The following BRD1 variants were observed in gnomAD, a reference collection of about 807,000 sequenced individuals.
The protein encoded by BRD1 is bromodomain containing 1.
In BRD1, 24 loss-of-function variants were observed where a neutral mutation model predicts 107.7. The observed-to-expected ratio is 0.22, with a 90% CI of 0.16 to 0.31. The LOEUF is 0.31. BRD1 is among the 10% of genes least tolerant of loss of function. The pLI is 1.00. For missense variants in BRD1, 1,279 were observed against 1,638.6 expected, an observed-to-expected ratio of 0.78 and a Z score of 3.79; for synonymous variants, 744 against 686.1, an observed-to-expected ratio of 1.08 and a Z score of -1.32.
Position 49,775,788 on chromosome 22 carries a change from C to A in BRD1, c.3232-43G>T, listed in dbSNP as rs754012389. ...GCTGAGGTCATTGTGAGGCTCACAC[C>A]CATAAACAACCCCACCTGTCACTGG... is the stretch of plus-strand genomic sequence containing the variant. On this transcript the variant is annotated intron_variant, in intron 11 of 12. Coordinates refer to ENST00000404760, the MANE Select transcript of BRD1 (RefSeq NM_001304808.3). 11 of 1,579,172 alleles carry A rather than the reference C, an allele frequency of 7.0e-6. No homozygotes were observed. The South Asian group carries it at 1.3e-4, about 18-fold the overall frequency.
intron 12 of BRD1, 75 bp downstream of exon 12, chr22:49,775,516 G>T: frequency 1.6e-6 from 2 of 1,269,528 alleles, no homozygotes; most frequent in Admixed American, 3.0e-5. Context: ...CTCACCACAG[G>T]GACACTCAGG....
At chr22:49,821,891 T>A (rs185414719) in intron 2 of BRD1, among the ~76,000 whole-genome samples, 2 of 152,364 alleles carry the variant, frequency 1.3e-5, no homozygotes, top group Admixed American at 1.3e-4. Context: ...ACCCGCCCTG[T>A]TGACCGGCAG....
At chr22:49,804,013 C>G (rs1457697633) in intron 3 of BRD1, among the ~76,000 whole-genome samples, 191 bp downstream of exon 3, 2 of 151,888 alleles carry the variant, frequency 1.3e-5, no homozygotes, top group Admixed American at 6.5e-5. Context: ...AGAATCACCC[C>G]CCGAGTCGCA....
Position 49,824,815 on chromosome 22 carries a change from A to T in BRD1, c.-14-484T>A, listed in dbSNP as rs982949457. ...CTGGTCCTATCGGATGCTCCCCCTA[A>T]ACCACTCTTCCCCTCCCCACTACTC... On this transcript the variant is annotated intron_variant, in intron 1 of 12. Transcript: ENST00000404760. The surrounding 1 kb of genome is among the most constrained non-coding windows in gnomAD (Gnocchi z 5.9). 6.9e-5 allele frequency: 70 copies of T among 1,007,206 alleles called. 1 individual carries two copies. The African/African-American group carries it at 8.3e-4, about 12-fold the overall frequency. The allele number at this position is 1,007,206 out of a possible 1,614,324, so 62.4% of individuals were successfully genotyped here.
intron 3 of BRD1, 24 bp from the exon 4 acceptor site, chr22:49,799,143 C>A: frequency 6.3e-7 from 1 of 1,595,444 alleles, no homozygotes; most frequent in South Asian, 1.1e-5. Context: ...ACACTTCCGT[C>A]AGTCAAACCC....
intron 3 of BRD1, 71 bp from the exon 4 acceptor site, chr22:49,799,190 A>C: frequency 6.4e-7 from 1 of 1,559,378 alleles, no homozygotes; most frequent in Non-Finnish European, 8.7e-7. Flanking sequence ...GATACCATGC[A>C]GGTGAGACCC....
intron 2 of BRD1, among the ~76,000 whole-genome samples, chr22:49,822,479 G>A (rs1036981118): frequency 6.6e-6 from 1 of 150,920 alleles, no homozygotes; most frequent in Non-Finnish European, 1.5e-5. Flanking sequence ...AAGCCAAGGC[G>A]GGCAGATCAC....
intron 6 of BRD1, among the ~76,000 whole-genome samples, chr22:49,797,015 T>G (rs966084334): frequency 6.6e-6 from 1 of 152,226 alleles, no homozygotes; most frequent in African/African-American, 2.4e-5. Flanking sequence ...TCTGCTCAGT[T>G]TGTGGCTCAG....
chr22:49,784,554 G>C (rs2059285368), intron 8 of BRD1, among the ~76,000 whole-genome samples: 1 of 152,278 alleles, frequency 6.6e-6, no homozygotes, highest in African/African-American at 2.4e-5. Flanking sequence ...CACAGTGAGT[G>C]CGTCGCCTCA....
chr22:49,789,258 G>A (rs909333978), intron 7 of BRD1, among the ~76,000 whole-genome samples: 2 of 152,182 alleles, frequency 1.3e-5, no homozygotes, highest in Non-Finnish European at 2.9e-5. Flanking sequence ...GTTCAATGTC[G>A]CCAACAGGCT....
rs773602065 is a variant in BRD1 at position 49,798,689 on chromosome 22, G to A, written c.1657-3C>T. 2.5e-6 allele frequency: 4 copies of A among 1,591,508 alleles called. No homozygotes were observed. Among genetic ancestry groups the A allele is most frequent in the East Asian group, 2.3e-5 (1 of 44,164 alleles). On this transcript the variant is annotated splice_polypyrimidine_tract_variant and splice_region_variant and intron_variant, in intron 4 of 12. Transcript: ENST00000404760. ...ATGGCGACCTGCTCCACCTTCACCT[G>A]GGGGGGCCCAGCAGAGCCTCAGCTT...
chr22:49,787,288 A>T, intron 8 of BRD1, 102 bp downstream of exon 8: 3 of 1,292,512 alleles, frequency 2.3e-6, no homozygotes, highest in Non-Finnish European at 2.1e-6. Flanking sequence ...CTGCAAAAAC[A>T]GAAGCTGGAC....
intron 2 of BRD1, among the ~76,000 whole-genome samples, chr22:49,805,120 C>T (rs186751038): frequency 2.6e-5 from 4 of 152,334 alleles, no homozygotes; most frequent in Admixed American, 2.6e-4. Context: ...AAGGTATAAG[C>T]CGCTAACAGG....
Position 49,797,822 on chromosome 22 carries a change from G to A in BRD1, c.2081C>T (p.Pro694Leu), listed in dbSNP as rs1438391834. Residue 694 changes from proline to leucine, a missense_variant, in exon 6 of 13, where the codon CCT becomes CTT. Physicochemically the swap from Pro to Leu is moderately conservative, Grantham distance 98. This residue lies in a region of BRD1 where 406 missense variants were observed against 519.4 expected (regional missense o/e 0.78). Transcript: ENST00000404760. ...GTTCTTACCGTCTTCCCAGGAGAAA[G>A]GCCGCCGCGGTGCCGCAGCAGGCCG... ...PERPAAAPRR[P>L]FSWEDVDRLL... 6.2e-7 allele frequency: 1 copy of A among 1,600,498 alleles called. No homozygotes were observed. Among genetic ancestry groups the A allele is most frequent in the Admixed American group, 1.7e-5 (1 of 59,078 alleles).
At chr22:49,798,752 C>T in intron 4 of BRD1, 66 bp from the exon 5 acceptor site, 5 of 1,481,712 alleles carry the variant, frequency 3.4e-6, no homozygotes, top group Non-Finnish European at 4.5e-6. Flanking sequence ...CACCACGCGC[C>T]CCACAGCCAC....
chr22:49,819,396 T>C (rs532927363), intron 2 of BRD1, among the ~76,000 whole-genome samples: 65 of 151,678 alleles, frequency 4.3e-4, no homozygotes, highest in Non-Finnish European at 7.5e-4. Context: ...CACCAAAAAA[T>C]AAAAACATTA....
intron 7 of BRD1, among the ~76,000 whole-genome samples, chr22:49,790,320 G>A (rs2059409822): frequency 6.6e-6 from 1 of 152,204 alleles, no homozygotes; most frequent in South Asian, 2.1e-4. Flanking sequence ...AAATGTGACT[G>A]GAAGTTGACA....
intron 7 of BRD1, among the ~76,000 whole-genome samples, chr22:49,789,495 C>CA (rs1303944469): frequency 6.6e-6 from 1 of 150,692 alleles, no homozygotes; most frequent in Non-Finnish European, 1.5e-5. Context: ...TAGCCTCCCC[C>CA]CCCCGCCCCG....
Position 49,787,442 on chromosome 22 carries a change from T to C in BRD1, c.2805A>G (p.Thr935=), listed in dbSNP as rs1482289039. 6.2e-7 allele frequency: 1 copy of C among 1,614,132 alleles called. No individual in the cohort carries two copies. Among genetic ancestry groups the C allele is most frequent in the East Asian group, 2.2e-5 (1 of 44,864 alleles). The change falls in exon 8 of 13, where the codon ACA becomes ACG. Residue 935 remains threonine (T), a synonymous_variant. Transcript: ENST00000404760. ...CCTCCTCCACCTCGGAGTCTCCGCA[T>C]GTGCTCCGCGACCTTTTCCTTGGCT... is the stretch of plus-strand genomic sequence containing the variant. ...LLQPRKRSRS[T]CGDSEVEEES... is the part of the protein sequence containing the mutation.
Sources: allele counts gnomAD v4.1 joint callset (sites outside exome capture counted in the v4.1 genomes callset), GRCh38; gene constraint gnomAD v4.1.1; regional missense constraint gnomAD v4.1.1; non-coding constraint Gnocchi (gnomAD v3.1); transcripts MANE v1.5; gene names NCBI Gene and HGNC (gene_info 2026-07-23, HGNC 2026-07-21).